ACBD6: variants seen among roughly 807,000 people sequenced by gnomAD.
ACBD6 encodes the protein acyl-CoA binding domain containing 6.
ACBD6 carries 28 observed loss-of-function variants against 37.2 expected under a neutral mutation model. The observed-to-expected ratio is 0.75, with a 90% CI of 0.56 to 1.03. The LOEUF is 1.03. ACBD6 is among the 50% of genes least tolerant of loss of function. ACBD6 has a pLI of 0.00. For missense variants in ACBD6, 340 were observed against 337.4 expected, an observed-to-expected ratio of 1.01 and a Z score of -0.06; for synonymous variants, 113 against 126.8, an observed-to-expected ratio of 0.89 and a Z score of 0.73.
chr1:180,396,906 C>T (rs562328661), intron 6 of ACBD6, among the ~76,000 whole-genome samples: 16 of 152,242 alleles, frequency 1.1e-4, no homozygotes, highest in African/African-American at 3.6e-4. Flanking sequence ...AAAAGTTAAA[C>T]ATCAAATTAC....
At position 180,273,886 on chromosome 1, in the gene ACBD6, C is replaced by T. The variant is rs1558226337; in HGVS notation, c.*1112+51G>A. On this transcript the variant is annotated intron_variant, in intron 11 of 13. Coordinates refer to the ACBD6 transcript ENST00000642319. ...CCCAGCCTTAGGCATTCATCCTCCTCAGTGTAGCCAGAGTATTAGTACACG... is the reference window on the plus strand; with the variant it reads ...CCCAGCCTTAGGCATTCATCCTCCTTAGTGTAGCCAGAGTATTAGTACACG... The T allele has an allele frequency of 7.0e-6, 3 of 430,032 alleles. No individual in the cohort carries two copies. In the Admixed American group the frequency reaches 1.1e-4, roughly 16 times the overall value. The allele number at this position is 430,032 out of a possible 1,614,324, so 26.6% of individuals were successfully genotyped here.
chr1:180,397,387 T>A (rs1050953516), intron 6 of ACBD6, 129 bp downstream of exon 6: 33 of 852,714 alleles, frequency 3.9e-5, no homozygotes, highest in Non-Finnish European at 6.6e-5. Flanking sequence ...TAGCAATGAT[T>A]ACACAACATT....
rs115149827 is a variant in ACBD6, at chr1:180,333,261, T to C, written c.664-18539A>G. On this transcript the variant is annotated intron_variant, in intron 6 of 7. Coordinates refer to ENST00000367595, the MANE Select transcript of ACBD6 (RefSeq NM_032360.4). The stretch of plus-strand genomic sequence containing the variant: ...AAAAAAAACACAATGAGAAGAGTGG[T>C]ATCATTTTAGATTTTTGCAAATTTC... Among the ~76,000 whole-genome samples the C allele has an allele frequency of 3.3e-3, 498 of 152,316 alleles. 3 individuals carry two copies. Among genetic ancestry groups the C allele is most frequent in the African/African-American group, 0.011 (477 of 41,584 alleles).
intron 2 of ACBD6, among the ~76,000 whole-genome samples, chr1:180,492,921 T>G (rs990677474): frequency 6.6e-6 from 1 of 152,058 alleles, no homozygotes; most frequent in African/African-American, 2.4e-5. Context: ...GGACTTAGTC[T>G]GGGACTTCAA....
Position 180,436,296 on chromosome 1 carries a change from C to A in ACBD6, c.385-6034G>T, listed in dbSNP as rs187949609. On this transcript the variant is annotated intron_variant, in intron 3 of 7. Transcript: ENST00000367595. The stretch of plus-strand genomic sequence containing the variant: ...AAATTGTGATTTCCTGAGAATTGAA[C>A]CTTGTTTATCTAACCCTAATTGATG... 2.1e-3 allele frequency among the ~76,000 whole-genome samples: 317 copies of A among 152,204 alleles called. 1 individual carries two copies. Among genetic ancestry groups the A allele is most frequent in the Middle Eastern group, 0.01 (3 of 294 alleles).
chr1:180,285,224 T>C (rs893154507), downstream of ACBD6, among the ~76,000 whole-genome samples: 3 of 152,332 alleles, frequency 2.0e-5, no homozygotes, highest in Admixed American at 1.3e-4. Context: ...CATAAGTTTA[T>C]GTATCACTAA....
At chr1:180,465,194 G>C (rs538283537) in intron 3 of ACBD6, among the ~76,000 whole-genome samples, 1 of 152,118 alleles carries the variant, frequency 6.6e-6, no homozygotes, top group Admixed American at 6.6e-5. Flanking sequence ...TTAAACTTAA[G>C]AGCTTCTGCA....
At chr1:180,286,751 T>C (rs1250452191), downstream of ACBD6, among the ~76,000 whole-genome samples, 4 of 152,190 alleles carry the variant, frequency 2.6e-5, no homozygotes, top group African/African-American at 9.6e-5. Flanking sequence ...TGGTGAATGA[T>C]TTTGGTTTAT....
chr1:180,495,568 A>G (rs753966657), intron 1 of ACBD6, 43 bp from the exon 2 acceptor site: 4 of 1,463,152 alleles, frequency 2.7e-6, no homozygotes, highest in Non-Finnish European at 3.8e-6. Flanking sequence ...TTTCAAAGAA[A>G]TGTCTGGGAA....
intron 7 of ACBD6, among the ~76,000 whole-genome samples, chr1:180,309,849 G>C (rs1342511226): frequency 1.3e-5 from 2 of 152,104 alleles, no homozygotes; most frequent in Admixed American, 1.3e-4. Flanking sequence ...GGGTGGCTGA[G>C]ACAAATTTTT....
chr1:180,453,523 C>T (rs1246562206), intron 3 of ACBD6, among the ~76,000 whole-genome samples: 1 of 152,178 alleles, frequency 6.6e-6, no homozygotes, highest in African/African-American at 2.4e-5. Context: ...TCCTATTCAA[C>T]ATAGTAGTGG....
Position 180,405,787 on chromosome 1 carries a change from A to T in ACBD6, c.573+7579T>A, listed in dbSNP as rs139246131. On this transcript the variant is annotated intron_variant, in intron 5 of 7. Coordinates refer to ENST00000367595, the MANE Select transcript of ACBD6 (RefSeq NM_032360.4). ...CCCATACTTTAAATACACTTCACAA[A>T]TTATTGAAATCATCCCTGCCCCTTA... Among the ~76,000 whole-genome samples the T allele has an allele frequency of 2.4e-3, 361 of 152,276 alleles. 1 individual carries two copies. The highest frequency in any genetic ancestry group is 8.5e-3 in the African/African-American group (355 of 41,558).
At chr1:180,452,091 A>C (rs1649729130) in intron 3 of ACBD6, among the ~76,000 whole-genome samples, 1 of 152,220 alleles carries the variant, frequency 6.6e-6, no homozygotes, top group Admixed American at 6.5e-5. Flanking sequence ...TCTCTGGGAC[A>C]CAGCTAAAGC....
chr1:180,449,671 C>T (rs192110671), intron 3 of ACBD6, among the ~76,000 whole-genome samples: 38 of 151,852 alleles, frequency 2.5e-4, no homozygotes, highest in African/African-American at 9.2e-4. Context: ...GCCTCCCAAA[C>T]CAAACACCGC....
chr1:180,333,715 G>A (rs1257918336), intron 6 of ACBD6, among the ~76,000 whole-genome samples: 1 of 152,220 alleles, frequency 6.6e-6, no homozygotes, highest in African/African-American at 2.4e-5. Flanking sequence ...GCAGGGCAAG[G>A]CATCGCCTCA....
At chr1:180,500,863 T>C (rs1301227894) in intron 1 of ACBD6, among the ~76,000 whole-genome samples, 2 of 148,304 alleles carry the variant, frequency 1.3e-5, no homozygotes, top group Non-Finnish European at 3.0e-5. Flanking sequence ...GTGAGTGTCA[T>C]GATGTTTTTG....
At chr1:180,274,044 T>C (rs1253787955) in exon 11 of ACBD6, 6 of 993,068 alleles carry the variant, frequency 6.0e-6, no homozygotes, top group Non-Finnish European at 7.8e-6. Flanking sequence ...GCCATATTGG[T>C]GTGTCTGACC....
At chr1:180,272,735 G>C (rs1403428204) in intron 12 of ACBD6, 1 of 152,270 alleles carries the variant, frequency 6.6e-6, no homozygotes, top group African/African-American at 2.4e-5. Context: ...GGCGATCAGA[G>C]ACCTGGTTTC....
At chr1:180,364,983 T>C (rs1653001101) in intron 6 of ACBD6, among the ~76,000 whole-genome samples, 2 of 152,164 alleles carry the variant, frequency 1.3e-5, no homozygotes, top group South Asian at 2.1e-4. Context: ...TCCGCCCACC[T>C]TGGCCTCCCA....
Sources: allele counts gnomAD v4.1 joint callset (sites outside exome capture counted in the v4.1 genomes callset), GRCh38; gene constraint gnomAD v4.1.1; transcripts MANE v1.5; gene names NCBI Gene and HGNC (gene_info 2026-07-23, HGNC 2026-07-21).